The following PPP2R2B variants were observed in gnomAD, a reference collection of about 807,000 sequenced individuals.
The protein encoded by PPP2R2B is serine/threonine-protein phosphatase 2A 55 kDa regulatory subunit B beta isoform.
Under a neutral mutation model 46.0 loss-of-function variants are expected in PPP2R2B, and 5 were observed. The observed-to-expected ratio is 0.11, with a 90% confidence interval of 0.06 to 0.23. The LOEUF (loss-of-function observed/expected upper bound fraction) is 0.23. Among genes scored for constraint, PPP2R2B ranks in the 10% least tolerant of loss-of-function variants. The probability of loss-of-function intolerance (pLI) is 1.00; values close to 1 mark genes in which losing one functional copy is unlikely to be tolerated. For missense variants in PPP2R2B, 367 were observed against 575.0 expected (o/e 0.64, Z 3.70); for synonymous variants, 215 against 206.7 (o/e 1.04, Z -0.34).
At chr5:146,945,231 T>C (rs972319000) in intron 1 of PPP2R2B, among the ~76,000 whole-genome samples, 13 of 152,292 alleles carry the variant, frequency 8.5e-5, no homozygotes, top group Non-Finnish European at 1.6e-4. Context: ...AACAGGGTAG[T>C]GAGGACTTGG....
intron 2 of PPP2R2B, among the ~76,000 whole-genome samples, chr5:146,783,354 G>A (rs1032082746): frequency 9.9e-5 from 15 of 152,090 alleles, no homozygotes; most frequent in Non-Finnish European, 2.1e-4. Flanking sequence ...TATAGCATAA[G>A]CCCTGATTTC....
At chr5:146,991,975 C>T (rs1459354899) in intron 1 of PPP2R2B, among the ~76,000 whole-genome samples, 2 of 151,666 alleles carry the variant, frequency 1.3e-5, no homozygotes, top group Non-Finnish European at 2.9e-5. Context: ...CCATGGAATC[C>T]ATATCAAAAT....
At chr5:146,640,356 A>T (rs949460573) in intron 6 of PPP2R2B, among the ~76,000 whole-genome samples, 1 of 152,188 alleles carries the variant, frequency 6.6e-6, no homozygotes, top group Non-Finnish European at 1.5e-5. Context: ...CCTTCAACTC[A>T]ACTTCTGCCA....
intron 2 of PPP2R2B, among the ~76,000 whole-genome samples, chr5:146,725,583 T>C (rs1462641961): frequency 6.6e-6 from 1 of 152,238 alleles, no homozygotes; most frequent in Non-Finnish European, 1.5e-5. Context: ...TATCGATTTT[T>C]AGTGTACTAT....
intron 1 of PPP2R2B, among the ~76,000 whole-genome samples, chr5:147,022,862 T>C (rs1158480207): frequency 1.3e-5 from 2 of 152,004 alleles, no homozygotes; most frequent in Non-Finnish European, 2.9e-5. Flanking sequence ...AGTGAAAATA[T>C]TCTTATATCC....
chr5:146,996,393 G>A (rs1276414800), intron 1 of PPP2R2B, among the ~76,000 whole-genome samples: 2 of 152,106 alleles, frequency 1.3e-5, no homozygotes, highest in Non-Finnish European at 2.9e-5. Flanking sequence ...GTGTGATGTG[G>A]GTGGGCTATA....
intron 2 of PPP2R2B, among the ~76,000 whole-genome samples, chr5:146,813,400 A>G (rs1439442545): frequency 6.6e-6 from 1 of 152,158 alleles, no homozygotes; most frequent in Admixed American, 6.5e-5. Flanking sequence ...CTTCAAGCAC[A>G]GTTACCTATA....
intron 2 of PPP2R2B, among the ~76,000 whole-genome samples, chr5:146,762,174 A>T (rs976650959): frequency 2.6e-5 from 4 of 152,252 alleles, no homozygotes; most frequent in African/African-American, 9.6e-5. Context: ...ATGTTAAAGA[A>T]AAAAGTTACT....
intron 2 of PPP2R2B, among the ~76,000 whole-genome samples, chr5:146,794,524 GT>G (rs2151297866): frequency 1.3e-5 from 2 of 152,274 alleles, no homozygotes; most frequent in South Asian, 4.1e-4. Flanking sequence ...AATAAAATGG[GT>G]TGCTATGAAT....
chr5:146,889,695 G>A (rs981510524), intron 1 of PPP2R2B, among the ~76,000 whole-genome samples: 1 of 152,158 alleles, frequency 6.6e-6, no homozygotes, highest in African/African-American at 2.4e-5. Flanking sequence ...ATAACCTTGA[G>A]TATAATCACT....
intron 2 of PPP2R2B, among the ~76,000 whole-genome samples, chr5:146,865,670 A>G (rs1761270969): frequency 6.6e-6 from 1 of 152,206 alleles, no homozygotes; most frequent in Admixed American, 6.5e-5. Flanking sequence ...TTGGACAGAC[A>G]CTGATTAGAA....
chr5:146,888,637 A>C (rs1417231403), intron 1 of PPP2R2B, among the ~76,000 whole-genome samples: 1 of 152,206 alleles, frequency 6.6e-6, no homozygotes. Context: ...AAACTTTCTT[A>C]AAATGCTGGA....
rs1008863757 is a variant in PPP2R2B, at chr5:146,585,297, CACACAT to C, written c.*4644_*4649del. Reference sequence around the variant, plus strand: ...ACACACACACACACACACACACACACACACATAATGTATGATGGGGATAGTGGATAA... The same window carrying C: ...ACACACACACACACACACACACACACAATGTATGATGGGGATAGTGGATAA... On this transcript the variant is annotated 3_prime_UTR_variant, in exon 10 of 10. Coordinates refer to ENST00000394411, the MANE Select transcript of PPP2R2B (RefSeq NM_181675.4). 2 of 152,764 alleles carry C rather than the reference CACACAT, an allele frequency of 1.3e-5. No individual in the cohort carries two copies. Among genetic ancestry groups the C allele is most frequent in the Admixed American group, 1.3e-4 (2 of 15,212 alleles). The allele number at this position is 152,764 out of a possible 1,614,324, so 9.5% of individuals were successfully genotyped here. A position where few individuals can be genotyped will look rare whatever the true frequency, so the allele number is the denominator to read the frequency against.
intron 1 of PPP2R2B, among the ~76,000 whole-genome samples, chr5:147,004,285 G>C (rs1037762035): frequency 5.9e-5 from 9 of 152,142 alleles, no homozygotes; most frequent in African/African-American, 2.2e-4. Context: ...CTGCCCCAGA[G>C]GGCAAAGCTT....
rs76684169 is a variant in PPP2R2B at position 146,736,872 on chromosome 5, T to C, written c.71-35730A>G. 2.4e-3 allele frequency among the ~76,000 whole-genome samples: 361 copies of C among 152,294 alleles called. 2 individuals are homozygous for C. The highest frequency in any genetic ancestry group is 8.2e-3 in the African/African-American group (342 of 41,574). ...TTGGTTCTTTTTAGAACCTATAACA[T>C]ACATTTACTCTCTAACCCAGGACTG... On this transcript the variant is annotated intron_variant, in intron 2 of 9. Coordinates refer to ENST00000394411, the MANE Select transcript of PPP2R2B (RefSeq NM_181675.4).
At chr5:146,913,425 A>C (rs943778220) in intron 1 of PPP2R2B, among the ~76,000 whole-genome samples, 3 of 152,234 alleles carry the variant, frequency 2.0e-5, no homozygotes, top group Admixed American at 6.5e-5. Context: ...CCAAGGCAGA[A>C]ACATGCAAGG....
intron 5 of PPP2R2B, among the ~76,000 whole-genome samples, chr5:146,683,682 A>G (rs1778313870): frequency 6.6e-6 from 1 of 152,172 alleles, no homozygotes; most frequent in South Asian, 2.1e-4. Context: ...CAGAACAGAA[A>G]CATCCCAAAC....
chr5:146,635,710 A>T (rs1476929767), intron 7 of PPP2R2B, among the ~76,000 whole-genome samples: 1 of 152,022 alleles, frequency 6.6e-6, no homozygotes, highest in East Asian at 1.9e-4. Context: ...CTGAGTCCCA[A>T]CCCTTCACTC....
At chr5:146,949,198 C>G (rs1239173516) in intron 1 of PPP2R2B, among the ~76,000 whole-genome samples, 3 of 151,758 alleles carry the variant, frequency 2.0e-5, no homozygotes, top group Admixed American at 6.6e-5. Flanking sequence ...TTACAATCAA[C>G]AAAGTGAAGA....
Sources: gnomAD v4.1 joint callset for allele counts (sites outside exome capture counted in the v4.1 genomes callset) on GRCh38, gnomAD v4.1.1 for gene constraint, MANE v1.5 for transcripts, NCBI Gene and HGNC (gene_info 2026-07-23, HGNC 2026-07-21) for gene names.